Variants in KLRG1 observed in about 807,000 individuals in gnomAD.
The protein encoded by KLRG1 is killer cell lectin like receptor G1.
KLRG1 carries 16 observed loss-of-function variants against 21.8 expected under a neutral mutation model. The observed-to-expected ratio is 0.73, with a 90% CI of 0.50 to 1.11. The LOEUF (loss-of-function observed/expected upper bound fraction) is 1.11, where lower values mean the gene tolerates loss of function less well. KLRG1 is among the 50% of genes most tolerant of loss of function. The pLI is 0.00. For missense variants in KLRG1, 173 were observed against 218.3 expected, an observed-to-expected ratio of 0.79 and a Z score of 1.31; for synonymous variants, 69 against 75.9, an observed-to-expected ratio of 0.91 and a Z score of 0.47.
chr12:8,957,044 G>GC (rs1032300098), intron 1 of KLRG1, among the ~76,000 whole-genome samples: 9 of 152,020 alleles, frequency 5.9e-5, no homozygotes, highest in Non-Finnish European at 1.3e-4. Context: ...CTTGAGCAGG[G>GC]CCCCCCCGGC....
intron 1 of KLRG1, among the ~76,000 whole-genome samples, chr12:8,959,659 C>T (rs1218327406): frequency 3.3e-5 from 5 of 152,118 alleles, no homozygotes; most frequent in African/African-American, 4.8e-5. Flanking sequence ...AAGAACCCCT[C>T]GGGCTATGAC....
At chr12:9,187,700 A>G in the KLRG1 span, among the ~76,000 whole-genome samples, 1 of 152,386 alleles carries the variant, frequency 6.6e-6, no homozygotes, top group East Asian at 1.9e-4. Flanking sequence ...AGGGAAACTT[A>G]TAGCACTAAA....
chr12:9,213,683 A>G, the KLRG1 span, among the ~76,000 whole-genome samples: 1 of 151,958 alleles, frequency 6.6e-6, no homozygotes, highest in Non-Finnish European at 1.5e-5. Context: ...TCAATTGTTT[A>G]TCTTTTTATT....
At chr12:9,159,763 C>T in the KLRG1 span, among the ~76,000 whole-genome samples, 1 of 151,468 alleles carries the variant, frequency 6.6e-6, no homozygotes, top group African/African-American at 2.4e-5. Flanking sequence ...CTAGATGCGG[C>T]CCCTAGACTT....
the KLRG1 span, chr12:9,161,251 A>T: frequency 1.5e-6 from 1 of 662,056 alleles, no homozygotes; most frequent in Non-Finnish European, 2.5e-6. Flanking sequence ...CCTTGGGTAA[A>T]TTGTGATGAT....
At chr12:9,099,467 G>A in the KLRG1 span, 29 of 1,608,694 alleles carry the variant, frequency 1.8e-5, no homozygotes, top group Middle Eastern at 1.6e-4. Context: ...ATGAGCAACC[G>A]AGCGACAGGA....
chr12:9,080,357 A>AT, the KLRG1 span: 2 of 387,768 alleles, frequency 5.2e-6, no homozygotes, highest in Non-Finnish European at 9.2e-6. Flanking sequence ...GTTTCCTGTG[A>AT]TTTTCAGAAT....
chr12:8,988,586 G>GT (rs1315403539), upstream of KLRG1, among the ~76,000 whole-genome samples: 3 of 151,208 alleles, frequency 2.0e-5, no homozygotes, highest in Non-Finnish European at 4.4e-5. Flanking sequence ...TTTAACTTTT[G>GT]TTTTTTTTAG....
chr12:9,196,883 C>T, the KLRG1 span: 5 of 820,426 alleles, frequency 6.1e-6, no homozygotes, highest in African/African-American at 1.7e-5. Context: ...TGACTAAGAA[C>T]AGAAATTCGT....
the KLRG1 span, among the ~76,000 whole-genome samples, chr12:9,173,032 C>T: frequency 4.6e-5 from 7 of 152,356 alleles, no homozygotes; most frequent in Admixed American, 3.9e-4. Context: ...ACATTCTTCT[C>T]ATTGCCACAT....
chr12:8,965,543 A>G (rs1323795959), intron 1 of KLRG1, among the ~76,000 whole-genome samples: 1 of 152,044 alleles, frequency 6.6e-6, no homozygotes, highest in Non-Finnish European at 1.5e-5. Context: ...TACACCAATA[A>G]CAGACAAACA....
the KLRG1 span, among the ~76,000 whole-genome samples, chr12:9,173,198 T>C: frequency 9.9e-5 from 15 of 152,270 alleles, no homozygotes; most frequent in African/African-American, 3.6e-4. Flanking sequence ...TATATGGAAA[T>C]TGAATAAACT....
the KLRG1 span, among the ~76,000 whole-genome samples, chr12:9,151,068 G>A: frequency 6.6e-6 from 1 of 152,096 alleles, no homozygotes; most frequent in Admixed American, 6.5e-5. Flanking sequence ...TTAAAACAAC[G>A]AAGTATTCTT....
At chr12:9,079,406 C>G in the KLRG1 span, 2 of 1,399,168 alleles carry the variant, frequency 1.4e-6, no homozygotes, top group Non-Finnish European at 2.0e-6. Flanking sequence ...CTAAAAGTAC[C>G]TTGGCTTCTC....
chr12:9,089,134 T>C, the KLRG1 span: 1 of 1,231,960 alleles, frequency 8.1e-7, no homozygotes, highest in East Asian at 2.5e-5. Flanking sequence ...GAATAATATA[T>C]AAATGTTCTT....
chr12:9,076,822 G>C, the KLRG1 span: 3 of 1,614,028 alleles, frequency 1.9e-6, no homozygotes, highest in Non-Finnish European at 2.5e-6. Context: ...TTACCTGCCA[G>C]GGCAAAAGCA....
At chr12:9,065,605 G>T in the KLRG1 span, among the ~76,000 whole-genome samples, 44,481 of 152,104 alleles carry the variant, frequency 0.29, 7,153 homozygotes, top group Admixed American at 0.35. Flanking sequence ...ACACTGACTT[G>T]CAGGCGCTCC....
chr12:8,984,376 A>G (rs892755299), intron 1 of KLRG1, among the ~76,000 whole-genome samples: 26 of 151,966 alleles, frequency 1.7e-4, no homozygotes, highest in African/African-American at 6.0e-4. Flanking sequence ...CTAATGTTTT[A>G]TATTTTTAGT....
the KLRG1 span, among the ~76,000 whole-genome samples, chr12:9,134,695 T>C: frequency 9.2e-5 from 14 of 152,342 alleles, no homozygotes; most frequent in Admixed American, 2.6e-4. Context: ...CTTATTTCAC[T>C]GAGCATAATG....
Sources: allele counts gnomAD v4.1 joint callset (sites outside exome capture counted in the v4.1 genomes callset), GRCh38; gene constraint gnomAD v4.1.1; transcripts MANE v1.5; gene names NCBI Gene and HGNC (gene_info 2026-07-23, HGNC 2026-07-21).